CDK8: variants seen among roughly 807,000 people sequenced by gnomAD.
CDK8 encodes cyclin-dependent kinase 8.
A neutral mutation model predicts 71.5 loss-of-function variants in CDK8; 29 were observed. The ratio of observed to expected loss-of-function variants is 0.41; its 90% CI spans 0.30 to 0.55. The LOEUF is 0.55. Ranked by LOEUF, CDK8 falls within the 20% of genes least tolerant of loss-of-function variation. The probability of loss-of-function intolerance (pLI) is 0.37; values close to 1 mark genes in which losing one functional copy is unlikely to be tolerated. For missense variants in CDK8, 288 were observed against 572.6 expected (o/e 0.50, Z 5.07); for synonymous variants, 161 against 192.1 (o/e 0.84, Z 1.34).
chr13:26,364,711 A>G (rs1157217503), intron 4 of CDK8, among the ~76,000 whole-genome samples: 2 of 152,196 alleles, frequency 1.3e-5, no homozygotes. Flanking sequence ...TGTAATGTTC[A>G]TTGTGGTTTA....
At chr13:26,328,116 A>G (rs1875108979) in intron 1 of CDK8, among the ~76,000 whole-genome samples, 1 of 152,166 alleles carries the variant, frequency 6.6e-6, no homozygotes, top group Admixed American at 6.5e-5. Context: ...TTGCACAGCC[A>G]CTAAGATTTT....
chr13:26,282,235 A>C (rs1872781983), intron 1 of CDK8, among the ~76,000 whole-genome samples: 1 of 152,200 alleles, frequency 6.6e-6, no homozygotes, highest in South Asian at 2.1e-4. Flanking sequence ...GAAATTCATC[A>C]CAAAAAGATC....
At chr13:26,310,404 G>T (rs1331980006) in intron 1 of CDK8, among the ~76,000 whole-genome samples, 1 of 152,180 alleles carries the variant, frequency 6.6e-6, no homozygotes, top group African/African-American at 2.4e-5. Context: ...GGGGCGAGGG[G>T]TGGTTTTGGA....
intron 4 of CDK8, among the ~76,000 whole-genome samples, chr13:26,371,905 AC>A (rs1484891743): frequency 6.6e-6 from 1 of 152,180 alleles, no homozygotes; most frequent in African/African-American, 2.4e-5. Flanking sequence ...AGCATGAGCT[AC>A]CGTGCCTGGC....
At chr13:26,314,104 A>G (rs1874405247) in intron 1 of CDK8, among the ~76,000 whole-genome samples, 1 of 152,208 alleles carries the variant, frequency 6.6e-6, no homozygotes, top group East Asian at 1.9e-4. Context: ...GGCTGAGGAA[A>G]AGATCTCTGA....
At chr13:26,281,531 G>C (rs1872743545) in intron 1 of CDK8, among the ~76,000 whole-genome samples, 1 of 104,052 alleles carries the variant, frequency 9.6e-6, no homozygotes, top group East Asian at 2.2e-4. Flanking sequence ...ACCCAAATGA[G>C]AAGGAATCAG....
intron 1 of CDK8, among the ~76,000 whole-genome samples, chr13:26,329,479 T>TG (rs1276078583): frequency 8.4e-6 from 1 of 118,378 alleles, no homozygotes; most frequent in Non-Finnish European, 1.8e-5. Flanking sequence ...GTTTTTTTTT[T>TG]TTTGTTTTTT....
intron 6 of CDK8, among the ~76,000 whole-genome samples, chr13:26,388,766 C>T (rs1473152277): frequency 6.6e-6 from 1 of 152,198 alleles, no homozygotes; most frequent in Non-Finnish European, 1.5e-5. Context: ...TGCCACAAAT[C>T]TAAACTACCA....
intron 1 of CDK8, among the ~76,000 whole-genome samples, chr13:26,276,203 T>A (rs1374670549): frequency 2.6e-5 from 4 of 152,304 alleles, no homozygotes; most frequent in South Asian, 2.1e-4. Flanking sequence ...ACTGGCAGTG[T>A]TGGAGATATT....
intron 4 of CDK8, among the ~76,000 whole-genome samples, chr13:26,358,395 T>C (rs1873990445): frequency 6.6e-6 from 1 of 152,144 alleles, no homozygotes; most frequent in Admixed American, 6.5e-5. Flanking sequence ...CCCTGTCTCT[T>C]CCCCCTCTCT....
intron 1 of CDK8, among the ~76,000 whole-genome samples, chr13:26,315,273 T>C (rs1003709141): frequency 4.6e-5 from 7 of 152,304 alleles, no homozygotes; most frequent in African/African-American, 1.7e-4. Context: ...CTTGAAACTT[T>C]AGGTAGTGTT....
intron 4 of CDK8, among the ~76,000 whole-genome samples, chr13:26,381,872 G>T (rs2138044589): frequency 6.6e-6 from 1 of 152,186 alleles, no homozygotes; most frequent in Non-Finnish European, 1.5e-5. Context: ...AGAAGCCTGT[G>T]AAATGGTTAC....
intron 1 of CDK8, among the ~76,000 whole-genome samples, chr13:26,270,010 G>C (rs1162349144): frequency 6.6e-6 from 1 of 152,062 alleles, no homozygotes; most frequent in Non-Finnish European, 1.5e-5. Flanking sequence ...CTTCCAAAAA[G>C]TTATATACAT....
chr13:26,271,806 CTTTTT>C (rs58160694), intron 1 of CDK8, among the ~76,000 whole-genome samples: 5 of 62,682 alleles, frequency 8.0e-5, no homozygotes, highest in African/African-American at 3.5e-4. Flanking sequence ...GAGACCCTGT[CTTTTT>C]TTTTTTTTTT....
At chr13:26,331,621 A>G (rs9553791) in intron 1 of CDK8, among the ~76,000 whole-genome samples, 132,642 of 152,188 alleles carry the variant, frequency 0.87, 58,396 homozygotes, top group East Asian at 1. Flanking sequence ...TAAGTTGGCT[A>G]TAAATATGTA....
At chr13:26,395,503 A>G (rs1314356089) in intron 7 of CDK8, among the ~76,000 whole-genome samples, 2 of 150,926 alleles carry the variant, frequency 1.3e-5, no homozygotes, top group Non-Finnish European at 1.5e-5. Context: ...AAAAAAAAAA[A>G]GAGCTAAAGG....
intron 1 of CDK8, among the ~76,000 whole-genome samples, chr13:26,306,054 C>T (rs1874026821): frequency 6.6e-6 from 1 of 152,064 alleles, no homozygotes; most frequent in Non-Finnish European, 1.5e-5. Flanking sequence ...TAGCAATAAG[C>T]ACATTTATTT....
intron 1 of CDK8, chr13:26,324,727 T>C: frequency 5.7e-6 from 2 of 350,314 alleles, no homozygotes; most frequent in Non-Finnish European, 8.0e-6. Flanking sequence ...TGTCAAAATA[T>C]GATTCTTGAA....
At chr13:26,369,590 G>A (rs1440850362) in intron 4 of CDK8, among the ~76,000 whole-genome samples, 2 of 134,856 alleles carry the variant, frequency 1.5e-5, no homozygotes, top group African/African-American at 5.7e-5. Context: ...GTGCAGTAGC[G>A]TGATCTCCGC....
Sources: gnomAD v4.1 joint callset for allele counts (sites outside exome capture counted in the v4.1 genomes callset) on GRCh38, gnomAD v4.1.1 for gene constraint, MANE v1.5 for transcripts, NCBI Gene and HGNC (gene_info 2026-07-23, HGNC 2026-07-21) for gene names.